Variants in PHF21A observed in about 807,000 individuals in gnomAD.
PHF21A encodes the protein PHD finger protein 21A.
In PHF21A, 11 loss-of-function variants were observed where a neutral mutation model predicts 82.5. That is an observed-to-expected ratio of 0.13 (90% CI 0.08 to 0.22). The LOEUF (loss-of-function observed/expected upper bound fraction) is 0.22, where lower values mean the gene tolerates loss of function less well. Among genes scored for constraint, PHF21A ranks in the 10% least tolerant of loss-of-function variants. The pLI, the probability that PHF21A is intolerant of heterozygous loss-of-function variation, is 1.00. For missense variants in PHF21A, 579 were observed against 837.8 expected (o/e 0.69, Z 3.81); for synonymous variants, 297 against 302.8 (o/e 0.98, Z 0.20).
chr11:45,940,794 G>A (rs1327976970), intron 15 of PHF21A, among the ~76,000 whole-genome samples: 1 of 152,152 alleles, frequency 6.6e-6, no homozygotes, highest in East Asian at 1.9e-4. Flanking sequence ...GTGAACTACA[G>A]AAAAAATTAT....
chr11:46,079,885 G>A lies in PHF21A; in HGVS notation c.55-719C>T, dbSNP rs117102163. On this transcript the variant is annotated intron_variant, in intron 4 of 18. Coordinates refer to ENST00000676320, the MANE Select transcript of PHF21A (RefSeq NM_001352027.3). ...AAAGGAAAGGAAAGAGGAAAGGAAA[G>A]GAAAAGAAAGGAAAGGAAAGGAAGA... Among the ~76,000 whole-genome samples, 18 of 151,480 alleles carry A rather than the reference G, an allele frequency of 1.2e-4. No homozygotes were observed. The East Asian group carries it at 3.1e-3, about 26-fold the overall frequency.
In PHF21A at chr11:46,074,461, G is replaced by C. The variant is rs895096249; in HGVS notation, c.153+2293C>G. ...AGAGGATAAGTGGCTCTTTTGGCGG[G>C]AGGGGGGAAGGCATATAGCATTAGG... On this transcript the variant is annotated intron_variant, in intron 6 of 18. Transcript: ENST00000676320. 2.7e-4 allele frequency among the ~76,000 whole-genome samples: 41 copies of C among 150,700 alleles called. 1 individual carries two copies. Among genetic ancestry groups the C allele is most frequent in the Admixed American group, 1.8e-3 (27 of 15,104 alleles).
intron 6 of PHF21A, among the ~76,000 whole-genome samples, chr11:46,067,249 A>G (rs907425844): frequency 6.6e-6 from 1 of 152,198 alleles, no homozygotes; most frequent in Non-Finnish European, 1.5e-5. Flanking sequence ...GAAGACAGGT[A>G]AAAACATCCC....
intron 6 of PHF21A, among the ~76,000 whole-genome samples, chr11:46,061,308 A>G (rs2096532290): frequency 2.0e-5 from 3 of 152,198 alleles, no homozygotes; most frequent in Admixed American, 2.0e-4. Flanking sequence ...TTTTGATCCC[A>G]TATGAATCTT....
At chr11:46,074,526 G>A (rs1421773163) in intron 6 of PHF21A, among the ~76,000 whole-genome samples, 3 of 151,758 alleles carry the variant, frequency 2.0e-5, no homozygotes, top group Non-Finnish European at 4.4e-5. Flanking sequence ...TTTTTGAGAT[G>A]GAGTCTTGCT....
rs187451650 is a variant in PHF21A at position 45,970,937 on chromosome 11, G to A, written c.612+179C>T. Reference sequence around the variant, plus strand: ...TCCTTGGTGTCAGGACGCTTCTGTAGTGATTTGAGCAGATAGCAGAAATGC... The same window carrying A: ...TCCTTGGTGTCAGGACGCTTCTGTAATGATTTGAGCAGATAGCAGAAATGC... On this transcript the variant is annotated intron_variant, in intron 8 of 18. Transcript: ENST00000676320. 945 of 709,560 alleles carry A rather than the reference G, an allele frequency of 1.3e-3. 5 individuals carry two copies. The highest frequency in any genetic ancestry group is 1.8e-3 in the Non-Finnish European group (805 of 439,168). The allele number at this position is 709,560 out of a possible 1,614,324, so 44.0% of individuals were successfully genotyped here.
At chr11:46,012,378 T>G (rs1343764793) in intron 6 of PHF21A, among the ~76,000 whole-genome samples, 1 of 152,202 alleles carries the variant, frequency 6.6e-6, no homozygotes, top group Non-Finnish European at 1.5e-5. Flanking sequence ...CTTTTCAAGT[T>G]TCTGTCCAGG....
chr11:45,947,119 A>G (rs1209049675), intron 14 of PHF21A, among the ~76,000 whole-genome samples: 1 of 152,184 alleles, frequency 6.6e-6, no homozygotes, highest in Non-Finnish European at 1.5e-5. Context: ...TAACTGAGAG[A>G]CCTGATTTGT....
chr11:46,025,757 A>C (rs2138057547), intron 6 of PHF21A, among the ~76,000 whole-genome samples: 1 of 151,974 alleles, frequency 6.6e-6, no homozygotes, highest in Non-Finnish European at 1.5e-5. Flanking sequence ...CAAACACATA[A>C]TTTTTCTCTG....
At chr11:46,029,150 G>A (rs1303284035) in intron 6 of PHF21A, among the ~76,000 whole-genome samples, 1 of 152,164 alleles carries the variant, frequency 6.6e-6, no homozygotes, top group East Asian at 1.9e-4. Context: ...AGAAGTCAAC[G>A]ATAACTTCTT....
At chr11:46,076,089 T>C (rs1344856723) in intron 6 of PHF21A, among the ~76,000 whole-genome samples, 3 of 152,244 alleles carry the variant, frequency 2.0e-5, no homozygotes, top group African/African-American at 7.2e-5. Context: ...CTTATAGCTC[T>C]ATCAATTGCC....
At chr11:46,023,247 T>C (rs2095666498) in intron 6 of PHF21A, among the ~76,000 whole-genome samples, 1 of 152,202 alleles carries the variant, frequency 6.6e-6, no homozygotes. Context: ...TTCTTAGCCT[T>C]CCATAAGGCA....
intron 6 of PHF21A, among the ~76,000 whole-genome samples, chr11:46,038,126 C>CT (rs1299390947): frequency 6.6e-6 from 1 of 151,536 alleles, no homozygotes; most frequent in African/African-American, 2.4e-5. Context: ...CTCTCTCTCT[C>CT]TCTTTTTTTT....
chr11:46,000,658 G>A (rs1228569121), intron 6 of PHF21A, among the ~76,000 whole-genome samples: 2 of 152,090 alleles, frequency 1.3e-5, no homozygotes, highest in South Asian at 2.1e-4. Context: ...GGTGTCTCAC[G>A]TCTGTAATCC....
chr11:45,976,254 G>C (rs2946004), intron 7 of PHF21A, among the ~76,000 whole-genome samples: 75,543 of 151,914 alleles, frequency 0.5, 22,201 homozygotes, highest in Non-Finnish European at 0.66. Context: ...CATCTGACAG[G>C]GCCCTGCTCA....
At chr11:46,027,012 T>C (rs960416758) in intron 6 of PHF21A, 4 of 152,094 alleles carry the variant, frequency 2.6e-5, no homozygotes, top group Non-Finnish European at 5.9e-5. Context: ...TTCTGAAAAA[T>C]TAAAAGTCTG....
At chr11:46,008,158 AAT>A (rs2095338032) in intron 6 of PHF21A, among the ~76,000 whole-genome samples, 1 of 152,220 alleles carries the variant, frequency 6.6e-6, no homozygotes, top group Non-Finnish European at 1.5e-5. Context: ...CTTCCCCTAC[AAT>A]GTGTATTTGT....
chr11:45,939,472 T>C (rs541655080), intron 15 of PHF21A, among the ~76,000 whole-genome samples: 2 of 152,032 alleles, frequency 1.3e-5, no homozygotes, highest in Non-Finnish European at 2.9e-5. Context: ...CATATGCGAG[T>C]TCTTTCTAAA....
chr11:46,079,095 T>A, intron 5 of PHF21A, 39 bp downstream of exon 5: 1 of 1,285,604 alleles, frequency 7.8e-7, no homozygotes. Context: ...AAATTATTTT[T>A]AAATTTAACA....
Sources: gnomAD v4.1 joint callset for allele counts (sites outside exome capture counted in the v4.1 genomes callset) on GRCh38, gnomAD v4.1.1 for gene constraint, MANE v1.5 for transcripts, NCBI Gene and HGNC (gene_info 2026-07-23, HGNC 2026-07-21) for gene names.